The following DCAF5 variants were observed in gnomAD, a reference collection of about 807,000 sequenced individuals.
The protein encoded by DCAF5 is DDB1- and CUL4-associated factor 5.
DCAF5 carries 9 observed loss-of-function variants against 80.7 expected under a neutral mutation model. The observed-to-expected ratio is 0.11, with a 90% CI of 0.07 to 0.19. The LOEUF (loss-of-function observed/expected upper bound fraction) is 0.19, where lower values mean the gene tolerates loss of function less well. Among genes scored for constraint, DCAF5 ranks in the 10% least tolerant of loss-of-function variants. The pLI is 1.00. For synonymous variants in DCAF5, 433 were observed against 461.9 expected (o/e 0.94, Z 0.80); for missense variants, 842 against 1,205.7 (o/e 0.70, Z 4.47).
At chr14:69,070,790 CT>C (rs67836121) in intron 7 of DCAF5, among the ~76,000 whole-genome samples, 34,841 of 144,188 alleles carry the variant, frequency 0.24, 4,970 homozygotes, top group Middle Eastern at 0.41. Flanking sequence ...TTTTATTTTT[CT>C]TTTTTTTTTT....
Position 69,055,541 on chromosome 14 carries a change from C to G in DCAF5, c.1145G>C (p.Cys382Ser). Residue 382 changes from cysteine (C) to serine (S), a missense_variant, in exon 9 of 9, where the codon TGC becomes TCC. By Grantham distance (112) the Cys-to-Ser change is moderately radical. Around this residue, in one of 5 missense-constraint regions of DCAF5, gnomAD observed 65 missense variants for 191.3 expected, o/e 0.34. Transcript: ENST00000341516. The surrounding 1 kb of genome is among the most constrained non-coding windows in gnomAD (Gnocchi z 5.6). ...LDGRIEDDSR[C>S]LYTHEEYISL... ...GATGTACTCTTCATGGGTATAGAGGCAGCGGGAATCGTCCTCAATCCGACC... is the reference window on the plus strand; with the variant it reads ...GATGTACTCTTCATGGGTATAGAGGGAGCGGGAATCGTCCTCAATCCGACC... The G allele has an allele frequency of 6.2e-7, 1 of 1,613,604 alleles. No individual in the cohort carries two copies. The highest frequency in any genetic ancestry group is 8.5e-7 in the Non-Finnish European group (1 of 1,179,514).
chr14:69,080,061 GCAGA>G (rs2039044011), intron 6 of DCAF5, among the ~76,000 whole-genome samples: 1 of 152,106 alleles, frequency 6.6e-6, no homozygotes, highest in Admixed American at 6.5e-5. Context: ...TTCCAGGAGA[GCAGA>G]CAGAGTTCTG....
chr14:69,056,990 G>A (rs1294440673), intron 8 of DCAF5, among the ~76,000 whole-genome samples: 1 of 152,274 alleles, frequency 6.6e-6, no homozygotes, highest in Non-Finnish European at 1.5e-5. Context: ...AGAGTTTCAA[G>A]GGATTGGTTT....
chr14:69,085,007 A>T, intron 6 of DCAF5: 5 of 1,367,260 alleles, frequency 3.7e-6, no homozygotes, highest in Non-Finnish European at 5.2e-6. Flanking sequence ...ACCTGAAATG[A>T]TCCAAGGTTC....
At chr14:69,062,195 G>T (rs1193965620) in intron 8 of DCAF5, among the ~76,000 whole-genome samples, 189 bp downstream of exon 8, 1 of 152,068 alleles carries the variant, frequency 6.6e-6, no homozygotes, top group Admixed American at 6.5e-5. Flanking sequence ...GGGACTACAG[G>T]TACTGTCACT....
chr14:69,084,652 A>C (rs1350554849), intron 6 of DCAF5: 1 of 1,092,270 alleles, frequency 9.2e-7, no homozygotes, highest in Non-Finnish European at 1.4e-6. Context: ...AGAACCAAAA[A>C]AAGAAGCTTA....
At chr14:69,123,215 A>G (rs2040776221) in intron 1 of DCAF5, among the ~76,000 whole-genome samples, 2 of 152,226 alleles carry the variant, frequency 1.3e-5, no homozygotes, top group African/African-American at 4.8e-5. Context: ...GTTAAGGGGG[A>G]AAATGAGGTA....
rs1052910653 is a variant in DCAF5 at position 69,153,063 on chromosome 14, C to G, written c.-85G>C. Reference sequence around the variant, plus strand: ...CGCTGCTCCCCCCACCCGGCCCTCCCCCCGCGCTGCGATCCGGATGGTTCT... The same window carrying G: ...CGCTGCTCCCCCCACCCGGCCCTCCGCCCGCGCTGCGATCCGGATGGTTCT... On this transcript the variant is annotated 5_prime_UTR_variant, in exon 1 of 9. Coordinates refer to ENST00000341516, the MANE Select transcript of DCAF5 (RefSeq NM_003861.3). 8.4e-5 allele frequency: 91 copies of G among 1,078,396 alleles called. No individual in the cohort carries two copies. The highest frequency in any genetic ancestry group is 2.3e-4 in the Admixed American group (6 of 25,532). The allele number at this position is 1,078,396 out of a possible 1,614,324, so 66.8% of individuals were successfully genotyped here.
rs377673106 is a variant in DCAF5 at position 69,080,561 on chromosome 14, C to T, written c.880-5150G>A. 2.2e-3 allele frequency among the ~76,000 whole-genome samples: 334 copies of T among 152,234 alleles called. 3 individuals carry two copies. Among genetic ancestry groups the T allele is most frequent in the African/African-American group, 7.5e-3 (312 of 41,520 alleles). Reference sequence around the variant, plus strand: ...TTTTTCTCTCTGTCTTTTCTTTTATCTTGATGATCTAATTTCAAATAGTAC... The same window carrying T: ...TTTTTCTCTCTGTCTTTTCTTTTATTTTGATGATCTAATTTCAAATAGTAC... On this transcript the variant is annotated intron_variant, in intron 6 of 8. Transcript: ENST00000341516.
rs1428761847 is a variant in DCAF5 at position 69,053,036 on chromosome 14, T to C, written c.*821A>G. 1 of 152,210 alleles carries C rather than the reference T, an allele frequency of 6.6e-6. No individual in the cohort carries two copies. The highest frequency in any genetic ancestry group is 1.5e-5 in the Non-Finnish European group (1 of 68,046). The allele number at this position is 152,210 out of a possible 1,614,324, so 9.4% of individuals were successfully genotyped here. Reference sequence around the variant, plus strand: ...CTGGCCTTGTGAGTGCCTCTTAGGATCTAGCACCTAACTGGTTAAAGTCTG... The same window carrying C: ...CTGGCCTTGTGAGTGCCTCTTAGGACCTAGCACCTAACTGGTTAAAGTCTG... On this transcript the variant is annotated 3_prime_UTR_variant, in exon 9 of 9. Coordinates refer to ENST00000341516, the MANE Select transcript of DCAF5 (RefSeq NM_003861.3).
Position 69,146,660 on chromosome 14 carries a change from A to C in DCAF5, c.214+6105T>G, listed in dbSNP as rs867413411. 6.6e-5 allele frequency among the ~76,000 whole-genome samples: 10 copies of C among 152,228 alleles called. No homozygotes were observed. In the South Asian group the frequency reaches 1.9e-3, roughly 28 times the overall value. On this transcript the variant is annotated intron_variant, in intron 1 of 8. Coordinates refer to ENST00000341516, the MANE Select transcript of DCAF5 (RefSeq NM_003861.3). ...TTACAAATGAGAACTGAACACTCCT[A>C]AAACACCAGCTTTTTGAAAACATAA...
At chr14:69,135,813 T>C (rs2041172208) in intron 1 of DCAF5, among the ~76,000 whole-genome samples, 1 of 152,148 alleles carries the variant, frequency 6.6e-6, no homozygotes, top group African/African-American at 2.4e-5. Context: ...AAATATACAA[T>C]GAAATGTGTC....
chr14:69,118,058 G>C lies in DCAF5; in HGVS notation c.535+81C>G. On this transcript the variant is annotated intron_variant, in intron 4 of 8. Transcript: ENST00000341516. This position sits in a 1 kb window ranked among gnomAD's most constrained non-coding sequence, Gnocchi z 4.0. ...TTGACATCACTTGCACATAGATACT[G>C]AGGTAATAAATTGGATCTTCAATGA... 1 of 1,557,522 alleles carries C rather than the reference G, an allele frequency of 6.4e-7. No homozygotes were observed. Among genetic ancestry groups the C allele is most frequent in the South Asian group, 1.2e-5 (1 of 86,044 alleles).
At chr14:69,101,094 C>T (rs2039936831) in intron 5 of DCAF5, among the ~76,000 whole-genome samples, 1 of 152,122 alleles carries the variant, frequency 6.6e-6, no homozygotes, top group Admixed American at 6.5e-5. Flanking sequence ...GACCAAGGTC[C>T]TGAGTAATTA....
chr14:69,141,995 T>C (rs2041390996), intron 1 of DCAF5, among the ~76,000 whole-genome samples: 1 of 152,174 alleles, frequency 6.6e-6, no homozygotes, highest in Non-Finnish European at 1.5e-5. Flanking sequence ...AGGTATATGA[T>C]AGAATTTCTG....
intron 6 of DCAF5, among the ~76,000 whole-genome samples, chr14:69,076,714 C>A (rs2038913805): frequency 6.6e-6 from 1 of 152,140 alleles, no homozygotes; most frequent in African/African-American, 2.4e-5. Flanking sequence ...GATGGCTGCA[C>A]AGCAATGTGA....
chr14:69,060,527 T>G (rs1248244144), intron 8 of DCAF5, among the ~76,000 whole-genome samples: 2 of 151,230 alleles, frequency 1.3e-5, no homozygotes, highest in Non-Finnish European at 3.0e-5. Context: ...TACATGCCAA[T>G]ATTATATTTC....
intron 7 of DCAF5, among the ~76,000 whole-genome samples, chr14:69,071,092 C>T (rs7145784): frequency 1.6e-3 from 251 of 152,284 alleles, no homozygotes; most frequent in African/African-American, 5.7e-3. Flanking sequence ...GCCACTGCAC[C>T]CGGCCCCTTC....
Position 69,054,967 on chromosome 14 carries a change from C to A in DCAF5, c.1719G>T (p.Glu573Asp). ...AGGTAGAGGCTCGGCGTTCATTCAG[C>A]TCCTCCTCATCCTCAGAGCTGCTAG... ...SSSSSSEDEE[E>D]LNERRASTWQ... Residue 573 changes from glutamate to aspartate, a missense_variant, in exon 9 of 9, where the codon GAG becomes GAT. By Grantham distance (45) the Glu-to-Asp change is conservative. This residue lies in a region of DCAF5 where 607 missense variants were observed against 656.6 expected (regional missense o/e 0.92). Coordinates refer to ENST00000341516, the MANE Select transcript of DCAF5 (RefSeq NM_003861.3). 1 of 1,614,206 alleles carries A rather than the reference C, an allele frequency of 6.2e-7. No individual in the cohort carries two copies. Among genetic ancestry groups the A allele is most frequent in the Non-Finnish European group, 8.5e-7 (1 of 1,180,018 alleles).
Sources: gnomAD v4.1 joint callset for allele counts (sites outside exome capture counted in the v4.1 genomes callset) on GRCh38, gnomAD v4.1.1 for gene constraint, gnomAD v4.1.1 regional missense constraint, Gnocchi (gnomAD v3.1) non-coding constraint, MANE v1.5 for transcripts, NCBI Gene and HGNC (gene_info 2026-07-23, HGNC 2026-07-21) for gene names.